Variants in DGKB observed in about 807,000 individuals in gnomAD.
The protein encoded by DGKB is 90 kDa diacylglycerol kinase.
Under a neutral mutation model 114.3 loss-of-function variants are expected in DGKB, and 67 were observed. That is an observed-to-expected ratio of 0.59 (90% CI 0.48 to 0.72). DGKB has a LOEUF of 0.72. Ranked by LOEUF, DGKB falls within the 30% of genes least tolerant of loss-of-function variation. DGKB has a pLI of 0.00. For synonymous variants in DGKB, 398 were observed against 323.1 expected (o/e 1.23, Z -2.49); for missense variants, 907 against 975.2 (o/e 0.93, Z 0.93).
chr7:14,842,437 T>A (rs1427867234), intron 1 of DGKB, among the ~76,000 whole-genome samples: 1 of 152,188 alleles, frequency 6.6e-6, no homozygotes, highest in Non-Finnish European at 1.5e-5. Context: ...ATATGGTAGT[T>A]TAATATACAA....
rs541533701 is a variant in DGKB, at chr7:14,672,811, G to A, written c.1134+118C>T. ...TGTTTCAGAGTAACGACGTATTTTAGATCTATATACTTCTACCTTGATTGA... is the reference window on the plus strand; with the variant it reads ...TGTTTCAGAGTAACGACGTATTTTAAATCTATATACTTCTACCTTGATTGA... On this transcript the variant is annotated intron_variant, in intron 13 of 25. Coordinates refer to ENST00000402815, the MANE Select transcript of DGKB (RefSeq NM_001350709.2). 7 of 524,640 alleles carry A rather than the reference G, an allele frequency of 1.3e-5. No homozygotes were observed. In the African/African-American group the frequency reaches 1.3e-4, roughly 10 times the overall value. 32.5% of individuals were successfully genotyped at this position (524,640 alleles called of 1,614,324 possible).
intron 1 of DGKB, among the ~76,000 whole-genome samples, chr7:14,970,487 A>G (rs777512658): frequency 6.6e-6 from 1 of 152,170 alleles, no homozygotes; most frequent in Non-Finnish European, 1.5e-5. Context: ...TTATAAAGCT[A>G]TAATGTTCAA....
intron 17 of DGKB, among the ~76,000 whole-genome samples, chr7:14,590,017 G>A (rs142001284): frequency 2.5e-4 from 35 of 142,362 alleles, no homozygotes; most frequent in African/African-American, 6.1e-4. Context: ...ATGTCGGGTC[G>A]GGGGAGGGGG....
chr7:14,699,789 T>C (rs554616717), intron 7 of DGKB, among the ~76,000 whole-genome samples: 1 of 152,208 alleles, frequency 6.6e-6, no homozygotes, highest in East Asian at 1.9e-4. Context: ...AAATAGAGAC[T>C]AGTTTAATCA....
intron 23 of DGKB, among the ~76,000 whole-genome samples, chr7:14,280,310 G>C (rs1157591103): frequency 1.3e-5 from 2 of 151,854 alleles, no homozygotes; most frequent in East Asian, 3.9e-4. Context: ...AGTTTAGAGA[G>C]AAAAGAATAA....
At chr7:14,457,555 A>G (rs1304819896) in intron 21 of DGKB, among the ~76,000 whole-genome samples, 1 of 152,228 alleles carries the variant, frequency 6.6e-6, no homozygotes, top group Non-Finnish European at 1.5e-5. Context: ...CTCAGTTCCA[A>G]CTAGCAAATT....
intron 21 of DGKB, among the ~76,000 whole-genome samples, chr7:14,455,629 T>C (rs1832175071): frequency 6.6e-6 from 1 of 152,028 alleles, no homozygotes. Flanking sequence ...CCAACCTTTC[T>C]GGCTGTGCAC....
intron 17 of DGKB, among the ~76,000 whole-genome samples, chr7:14,598,674 AT>A: frequency 6.6e-6 from 1 of 152,304 alleles, no homozygotes; most frequent in South Asian, 2.1e-4. Flanking sequence ...AAGACATTTT[AT>A]TTTTAAGCTA....
At chr7:14,577,231 A>G (rs1799254924) in intron 19 of DGKB, among the ~76,000 whole-genome samples, 1 of 152,330 alleles carries the variant, frequency 6.6e-6, no homozygotes, top group South Asian at 2.1e-4. Context: ...TTTTATATTT[A>G]ATGATATTAT....
intron 9 of DGKB, among the ~76,000 whole-genome samples, chr7:14,692,470 A>G (rs942933645): frequency 2.0e-5 from 3 of 151,976 alleles, no homozygotes; most frequent in Non-Finnish European, 4.4e-5. Flanking sequence ...AAATGTCAAC[A>G]TTTTGTCAAT....
chr7:14,228,153 CA>C (rs1211060451), intron 23 of DGKB, among the ~76,000 whole-genome samples: 1 of 151,906 alleles, frequency 6.6e-6, no homozygotes, highest in African/African-American at 2.4e-5. Flanking sequence ...CCAGTGATGA[CA>C]AGATTTTTCA....
chr7:14,525,487 C>T (rs945942327), intron 20 of DGKB, among the ~76,000 whole-genome samples: 5 of 152,080 alleles, frequency 3.3e-5, no homozygotes, highest in Admixed American at 3.3e-4. Context: ...CAAGTTGTCC[C>T]CACTAAGCAG....
chr7:14,494,638 C>A (rs1365341477), intron 20 of DGKB, among the ~76,000 whole-genome samples: 1 of 151,844 alleles, frequency 6.6e-6, no homozygotes, highest in East Asian at 1.9e-4. Flanking sequence ...CCTTGTATTG[C>A]AATGTTTTGC....
intron 23 of DGKB, among the ~76,000 whole-genome samples, chr7:14,255,818 T>A (rs986213931): frequency 1.3e-5 from 2 of 152,108 alleles, no homozygotes; most frequent in African/African-American, 4.8e-5. Context: ...CTTTCTCACC[T>A]TCCATTTCAC....
intron 2 of DGKB, among the ~76,000 whole-genome samples, chr7:14,782,001 T>C (rs1363442146): frequency 1.3e-5 from 2 of 151,742 alleles, no homozygotes; most frequent in Non-Finnish European, 3.0e-5. Context: ...TAGAAAGCAT[T>C]TTTTTAAAAA....
chr7:14,371,689 C>A (rs1419168628), intron 21 of DGKB, among the ~76,000 whole-genome samples: 1 of 152,048 alleles, frequency 6.6e-6, no homozygotes, highest in East Asian at 1.9e-4. Flanking sequence ...TTAGGTCCCA[C>A]TTGATAATTT....
intron 23 of DGKB, among the ~76,000 whole-genome samples, chr7:14,284,828 A>T (rs937528677): frequency 1.5e-5 from 2 of 136,252 alleles, no homozygotes; most frequent in Admixed American, 1.7e-4. Context: ...GCATGGACAC[A>T]GGAAGGGGAA....
intron 3 of DGKB, among the ~76,000 whole-genome samples, chr7:14,754,840 T>C (rs1834636437): frequency 6.6e-6 from 1 of 152,170 alleles, no homozygotes; most frequent in Admixed American, 6.6e-5. Flanking sequence ...CCACACTCAC[T>C]ACAAAAGCAA....
chr7:14,667,743 G>A (rs1485057788), intron 13 of DGKB, among the ~76,000 whole-genome samples: 1 of 152,056 alleles, frequency 6.6e-6, no homozygotes, highest in African/African-American at 2.4e-5. Flanking sequence ...AATTTTGTGG[G>A]CAGAACAGTT....
Sources: gnomAD v4.1 joint callset for allele counts (sites outside exome capture counted in the v4.1 genomes callset) on GRCh38, gnomAD v4.1.1 for gene constraint, MANE v1.5 for transcripts, NCBI Gene and HGNC (gene_info 2026-07-23, HGNC 2026-07-21) for gene names.